TMTC1: variants seen among roughly 807,000 people sequenced by gnomAD.
The protein encoded by TMTC1 is protein O-mannosyl-transferase TMTC1.
In TMTC1, 73 loss-of-function variants were observed where a neutral mutation model predicts 104.8. The ratio of observed to expected loss-of-function variants is 0.70; its 90% CI spans 0.58 to 0.85. The LOEUF is 0.85. TMTC1 is among the 40% of genes least tolerant of loss of function. The probability of loss-of-function intolerance (pLI) is 0.00; values close to 1 mark genes in which losing one functional copy is unlikely to be tolerated. For missense variants in TMTC1, 1,035 were observed against 1,096.1 expected (o/e 0.94, Z 0.79); for synonymous variants, 434 against 428.7 (o/e 1.01, Z -0.15).
At chr12:29,712,237 G>A (rs921693593) in intron 5 of TMTC1, among the ~76,000 whole-genome samples, 4 of 152,082 alleles carry the variant, frequency 2.6e-5, no homozygotes, top group Non-Finnish European at 4.4e-5. Flanking sequence ...GTATATGTGT[G>A]CAAACCACTT....
intron 5 of TMTC1, among the ~76,000 whole-genome samples, chr12:29,715,747 A>G (rs1942058455): frequency 6.6e-6 from 1 of 152,114 alleles, no homozygotes; most frequent in African/African-American, 2.4e-5. Flanking sequence ...GAAACTTACA[A>G]TCGTGGTGGA....
At chr12:29,573,354 T>C (rs1945734072) in intron 8 of TMTC1, among the ~76,000 whole-genome samples, 1 of 152,194 alleles carries the variant, frequency 6.6e-6, no homozygotes, top group African/African-American at 2.4e-5. Flanking sequence ...TGAGATCGTT[T>C]GATGAAATCA....
intron 5 of TMTC1, among the ~76,000 whole-genome samples, chr12:29,710,040 C>T (rs988674102): frequency 6.6e-6 from 1 of 152,082 alleles, no homozygotes; most frequent in Non-Finnish European, 1.5e-5. Context: ...TTAGGTTGTT[C>T]TGATACTGCT....
intron 6 of TMTC1, among the ~76,000 whole-genome samples, chr12:29,627,048 C>T (rs540881697): frequency 3.7e-4 from 57 of 152,154 alleles, no homozygotes; most frequent in African/African-American, 1.3e-3. Flanking sequence ...TTGCAGTGAG[C>T]CGAGATTGCG....
At chr12:29,587,441 C>T (rs1946168634) in intron 7 of TMTC1, among the ~76,000 whole-genome samples, 1 of 152,020 alleles carries the variant, frequency 6.6e-6, no homozygotes, top group South Asian at 2.1e-4. Flanking sequence ...TCAACTGATT[C>T]TCCCTCCTCA....
In TMTC1 at chr12:29,660,221, C is replaced by T. The variant is rs137910755; in HGVS notation, c.939-26885G>A. 8.5e-5 allele frequency among the ~76,000 whole-genome samples: 13 copies of T among 152,270 alleles called. No homozygotes were observed. The East Asian group carries it at 2.3e-3, about 27-fold the overall frequency. On this transcript the variant is annotated intron_variant, in intron 5 of 17. Transcript: ENST00000539277. Reference sequence around the variant, plus strand: ...AGTTCATTCTTTTAGAAACCAGCTGCCATGTGGCAAGGAAGTCTTGACTAC... The same window carrying T: ...AGTTCATTCTTTTAGAAACCAGCTGTCATGTGGCAAGGAAGTCTTGACTAC...
At chr12:29,769,039 A>G (rs1040276156) in intron 1 of TMTC1, among the ~76,000 whole-genome samples, 2 of 152,124 alleles carry the variant, frequency 1.3e-5, no homozygotes, top group African/African-American at 4.8e-5. Context: ...CAAAACAGCA[A>G]TCCCAGGTCT....
At chr12:29,679,812 C>A (rs1366968573) in intron 5 of TMTC1, among the ~76,000 whole-genome samples, 1 of 151,998 alleles carries the variant, frequency 6.6e-6, no homozygotes, top group Non-Finnish European at 1.5e-5. Context: ...ACTAGAGAGA[C>A]CTCTTTACTG....
intron 5 of TMTC1, among the ~76,000 whole-genome samples, chr12:29,670,861 G>A (rs1300108930): frequency 6.8e-6 from 1 of 146,636 alleles, no homozygotes; most frequent in Non-Finnish European, 1.5e-5. Context: ...AGCCCAGAAG[G>A]TGGAGGTTTC....
intron 6 of TMTC1, among the ~76,000 whole-genome samples, chr12:29,627,725 A>G (rs1591825267): frequency 6.6e-6 from 1 of 150,696 alleles, no homozygotes. Context: ...GTAGGAAAAC[A>G]TTGAATGTCC....
In TMTC1 at chr12:29,758,699, C is replaced by G; in HGVS notation, c.554+5G>C. ...ACAGAGAAGGGCATTCTTAGCTACA[C>G]ATACCTGTTGTACGAGAGAAAGGCC... On this transcript the variant is annotated splice_donor_5th_base_variant and intron_variant, in intron 3 of 17. Coordinates refer to ENST00000539277, the MANE Select transcript of TMTC1 (RefSeq NM_001193451.2). 6.2e-7 allele frequency: 1 copy of G among 1,613,224 alleles called. No individual in the cohort carries two copies. Among genetic ancestry groups the G allele is most frequent in the African/African-American group, 1.3e-5 (1 of 75,026 alleles).
intron 5 of TMTC1, among the ~76,000 whole-genome samples, chr12:29,712,176 C>A (rs1158648462): frequency 6.6e-6 from 1 of 152,174 alleles, no homozygotes; most frequent in African/African-American, 2.4e-5. Flanking sequence ...AGCCTGCTCA[C>A]TTCAGGGTGT....
At chr12:29,756,276 G>T (rs533283384) in intron 3 of TMTC1, among the ~76,000 whole-genome samples, 2 of 152,268 alleles carry the variant, frequency 1.3e-5, no homozygotes, top group South Asian at 4.1e-4. Flanking sequence ...GGATAATATG[G>T]GGCAAGTTGC....
chr12:29,654,286 A>C (rs551618438), intron 5 of TMTC1, among the ~76,000 whole-genome samples: 2 of 152,340 alleles, frequency 1.3e-5, no homozygotes, highest in South Asian at 4.1e-4. Context: ...TGAACAAAGG[A>C]TCTCCATCAA....
intron 5 of TMTC1, among the ~76,000 whole-genome samples, chr12:29,692,525 C>T (rs1280332526): frequency 6.9e-6 from 1 of 145,004 alleles, no homozygotes; most frequent in Non-Finnish European, 1.5e-5. Flanking sequence ...TGTGGGGAAA[C>T]TGGAACCTTT....
chr12:29,651,018 G>C (rs879319217), intron 5 of TMTC1, among the ~76,000 whole-genome samples: 1 of 152,200 alleles, frequency 6.6e-6, no homozygotes, highest in Non-Finnish European at 1.5e-5. Context: ...CAGTGTGTTT[G>C]ATTTTCTTCT....
At chr12:29,567,124 G>A (rs1437285062) in intron 9 of TMTC1, among the ~76,000 whole-genome samples, 3 of 152,198 alleles carry the variant, frequency 2.0e-5, no homozygotes, top group East Asian at 1.9e-4. Flanking sequence ...CTCCCCATGG[G>A]ATCAGCTGAG....
intron 2 of TMTC1, among the ~76,000 whole-genome samples, chr12:29,763,593 T>C (rs1017799003): frequency 6.6e-6 from 1 of 152,196 alleles, no homozygotes; most frequent in East Asian, 1.9e-4. Flanking sequence ...GGGTATTAAA[T>C]AGCACACAAG....
chr12:29,699,737 C>T (rs947483875), intron 5 of TMTC1, among the ~76,000 whole-genome samples: 5 of 147,264 alleles, frequency 3.4e-5, no homozygotes, highest in East Asian at 2.1e-4. Flanking sequence ...GCTGCAGCAT[C>T]GACCTCCCGG....
Sources: allele counts gnomAD v4.1 joint callset (sites outside exome capture counted in the v4.1 genomes callset), GRCh38; gene constraint gnomAD v4.1.1; transcripts MANE v1.5; gene names NCBI Gene and HGNC (gene_info 2026-07-23, HGNC 2026-07-21).